The following PEX5 variants were observed in gnomAD, a reference collection of about 807,000 sequenced individuals.
PEX5 encodes PTS1 receptor.
In PEX5, 52 loss-of-function variants were observed where a neutral mutation model predicts 82.9. The observed-to-expected ratio is 0.63, with a 90% CI of 0.50 to 0.79. The LOEUF (loss-of-function observed/expected upper bound fraction) is 0.79, where lower values mean the gene tolerates loss of function less well. PEX5 is among the 30% of genes least tolerant of loss of function. The pLI is 0.00. For missense variants in PEX5, 719 were observed against 815.2 expected (o/e 0.88, Z 1.44); for synonymous variants, 300 against 318.8 (o/e 0.94, Z 0.63).
upstream of PEX5, chr12:7,189,244 C>T (rs1940439631): frequency 6.6e-6 from 1 of 152,256 alleles, no homozygotes; most frequent in Non-Finnish European, 1.5e-5. Context: ...TCCCCAGCCC[C>T]TGGTGTTAGG....
chr12:7,206,548 A>G lies in PEX5; in HGVS notation c.967-1111A>G, dbSNP rs181633878. ...AAAAACACACTTGTTTTCAATATAAATATACTTTCTATACATTTATCTCAA... is the reference window on the plus strand; with the variant it reads ...AAAAACACACTTGTTTTCAATATAAGTATACTTTCTATACATTTATCTCAA... On this transcript the variant is annotated intron_variant, in intron 10 of 15. Transcript: ENST00000675855. Among the ~76,000 whole-genome samples, 29 of 149,516 alleles carry G rather than the reference A, an allele frequency of 1.9e-4. No homozygotes were observed. The Admixed American group carries it at 1.9e-3, about 10-fold the overall frequency.
intron 10 of PEX5, among the ~76,000 whole-genome samples, chr12:7,205,626 A>G (rs1944670174): frequency 6.6e-6 from 1 of 152,196 alleles, no homozygotes; most frequent in African/African-American, 2.4e-5. Context: ...TCAGGATGTA[A>G]CAGTGAAGCC....
Position 7,190,503 on chromosome 12 carries a change from C to A in PEX5, c.126C>A (p.Pro42=), listed in dbSNP as rs1199646327. 1 of 1,613,198 alleles carries A rather than the reference C, an allele frequency of 6.2e-7. No individual in the cohort carries two copies. ...GATTGAGGCCTGGCCCCTGGCCCCCCGGAGCCCCGGCCTCTGAGGCAGTGA... is the reference window on the plus strand; with the variant it reads ...GATTGAGGCCTGGCCCCTGGCCCCCAGGAGCCCCGGCCTCTGAGGCAGTGA... ...QEGLRPGPWP[P]GAPASEAASK... Residue 42 remains proline, a synonymous_variant, in exon 2 of 16, where the codon CCC becomes CCA. Transcript: ENST00000675855.
chr12:7,208,426 A>T (rs762727578), intron 12 of PEX5, 31 bp from the exon 13 acceptor site: 1 of 1,535,002 alleles, frequency 6.5e-7, no homozygotes, highest in East Asian at 2.2e-5. Flanking sequence ...GTCATTGCAG[A>T]TATCAAGTCT....
At chr12:7,199,806 TG>T (rs1943430101) in intron 6 of PEX5, among the ~76,000 whole-genome samples, 1 of 138,776 alleles carries the variant, frequency 7.2e-6, no homozygotes, top group African/African-American at 2.6e-5. Flanking sequence ...CCTCACCTTC[TG>T]GACGGGGCGG....
At chr12:7,208,944 T>A in intron 13 of PEX5, 61 bp from the exon 14 acceptor site, 1 of 1,417,206 alleles carries the variant, frequency 7.1e-7, no homozygotes, top group South Asian at 1.2e-5. Flanking sequence ...GAAATTAATT[T>A]GGGGGGATGG....
intron 5 of PEX5, among the ~76,000 whole-genome samples, chr12:7,196,552 TTA>T (rs1197361312): frequency 3.2e-4 from 18 of 56,558 alleles, no homozygotes; most frequent in African/African-American, 6.6e-4. Flanking sequence ...AATGTAATAA[TTA>T]TATATGTCAC....
intron 2 of PEX5, 58 bp from the exon 3 acceptor site, chr12:7,190,830 A>C (rs1424056574): frequency 6.5e-7 from 1 of 1,540,262 alleles, no homozygotes; most frequent in Non-Finnish European, 9.0e-7. Context: ...TATGGGCTTC[A>C]TCAACCCCTG....
chr12:7,213,377 C>T (rs1404076354), downstream of PEX5, among the ~76,000 whole-genome samples: 1 of 149,984 alleles, frequency 6.7e-6, no homozygotes, highest in Non-Finnish European at 1.5e-5. Flanking sequence ...GGTACCAAAA[C>T]AGAGATATAG....
intron 5 of PEX5, 29 bp downstream of exon 5, chr12:7,191,729 T>TTA: frequency 6.2e-7 from 1 of 1,602,902 alleles, no homozygotes. Flanking sequence ...AAATCTATAT[T>TTA]GGCTTCTATG....
intron 17 of PEX5, among the ~76,000 whole-genome samples, chr12:7,217,828 C>A (rs1453813010): frequency 6.6e-6 from 1 of 152,186 alleles, no homozygotes; most frequent in East Asian, 1.9e-4. Context: ...TAGCGAGTGT[C>A]CTGCATGTGC....
intron 6 of PEX5, 141 bp downstream of exon 6, chr12:7,199,254 G>A (rs1460116734): frequency 4.1e-6 from 2 of 491,192 alleles, no homozygotes; most frequent in South Asian, 3.8e-5. Context: ...TCTTGCAGAG[G>A]GGGATTTGGC....
chr12:7,192,612 T>A (rs7971683), intron 5 of PEX5, among the ~76,000 whole-genome samples: 109,088 of 152,032 alleles, frequency 0.72, 40,212 homozygotes, highest in South Asian at 0.83. Context: ...CTGTTTAAGA[T>A]ATCAAGAATA....
At chr12:7,190,796 TGAA>T in intron 2 of PEX5, 89 bp from the exon 3 acceptor site, 7 of 1,368,046 alleles carry the variant, frequency 5.1e-6, no homozygotes, top group Admixed American at 1.7e-5. Flanking sequence ...ATTTTATAGA[TGAA>T]GAAGCCGAGG....
chr12:7,201,156 CAT>C lies in PEX5; in HGVS notation c.552-589_552-588del, dbSNP rs1299810664. 1.8e-4 allele frequency among the ~76,000 whole-genome samples: 9 copies of C among 49,738 alleles called. No homozygotes were observed. In the South Asian group the frequency reaches 2.2e-3, roughly 12 times the overall value. 32.6% of individuals were successfully genotyped at this position (49,738 alleles called of 152,430 possible). On this transcript the variant is annotated intron_variant, in intron 6 of 15. Coordinates refer to ENST00000675855, the MANE Select transcript of PEX5 (RefSeq NM_001351132.2). ...GCGTGCACACACACACACGCACACA[CAT>C]ATATACACACATACACATATGTACA...
intron 9 of PEX5, 58 bp downstream of exon 9, chr12:7,202,762 T>C (rs1944265057): frequency 1.8e-6 from 2 of 1,139,820 alleles, no homozygotes; most frequent in Admixed American, 1.7e-5. Context: ...TTGGAGTGAG[T>C]GGGTGTATGA....
At chr12:7,209,607 A>AACT (rs1332556326) in intron 14 of PEX5, 76 bp from the exon 15 acceptor site, 2 of 1,544,500 alleles carry the variant, frequency 1.3e-6, no homozygotes, top group African/African-American at 1.4e-5. Flanking sequence ...GCAGAGTTTG[A>AACT]GCTGAGTCGG....
At position 7,203,217 on chromosome 12, in the gene PEX5, T is replaced by C. The variant is rs1280587776; in HGVS notation, c.847-215T>C. 3.2e-3 allele frequency among the ~76,000 whole-genome samples: 41 copies of C among 12,722 alleles called. 5 individuals carry two copies. The highest frequency in any genetic ancestry group is 6.3e-3 in the African/African-American group (41 of 6,476). 8.3% of individuals were successfully genotyped at this position (12,722 alleles called of 152,430 possible). ...TGCACTGCACTGCACTGCACTGCAC[T>C]GCACTACATTACATTTCTGGCCATC... On this transcript the variant is annotated intron_variant, in intron 9 of 15. Coordinates refer to ENST00000675855, the MANE Select transcript of PEX5 (RefSeq NM_001351132.2).
At chr12:7,195,354 T>C (rs1484302997) in intron 5 of PEX5, among the ~76,000 whole-genome samples, 1 of 152,198 alleles carries the variant, frequency 6.6e-6, no homozygotes, top group African/African-American at 2.4e-5. Context: ...GATCTGATTT[T>C]CTGTAGGAAT....
Sources: gnomAD v4.1 joint callset for allele counts (sites outside exome capture counted in the v4.1 genomes callset) on GRCh38, gnomAD v4.1.1 for gene constraint, MANE v1.5 for transcripts, NCBI Gene and HGNC (gene_info 2026-07-23, HGNC 2026-07-21) for gene names.